The following RALYL variants were observed in gnomAD, a reference collection of about 807,000 sequenced individuals.
The protein encoded by RALYL is RALY RNA binding protein like, also known as RNA-binding Raly-like protein.
RALYL carries 29 observed loss-of-function variants against 35.1 expected under a neutral mutation model. The ratio of observed to expected loss-of-function variants is 0.83; its 90% confidence interval spans 0.61 to 1.13. The LOEUF is 1.13. Among genes scored for constraint, RALYL ranks in the 50% most tolerant of loss-of-function variants. The pLI is 0.00. For synonymous variants in RALYL, 120 were observed against 127.6 expected, an observed-to-expected ratio of 0.94 and a Z score of 0.40; for missense variants, 359 against 360.4, an observed-to-expected ratio of 1.00 and a Z score of 0.03.
At chr8:84,210,741 T>A (rs957657068) in intron 1 of RALYL, among the ~76,000 whole-genome samples, 1 of 152,140 alleles carries the variant, frequency 6.6e-6, no homozygotes, top group Non-Finnish European at 1.5e-5. Context: ...TTTCACCAAC[T>A]TAATTTTTCA....
At chr8:84,515,701 C>CA (rs887119861) in intron 1 of RALYL, among the ~76,000 whole-genome samples, 11 of 151,256 alleles carry the variant, frequency 7.3e-5, no homozygotes, top group Non-Finnish European at 1.6e-4. Flanking sequence ...ATGTATAGTA[C>CA]AAAAAAAATT....
At chr8:84,850,115 T>C (rs1835532211) in intron 5 of RALYL, 88 bp downstream of exon 5, 1 of 636,164 alleles carries the variant, frequency 1.6e-6, no homozygotes, top group African/African-American at 1.9e-5. Context: ...CTCTTAATTA[T>C]GGTATTTAAA....
At chr8:84,377,320 A>C (rs1409082039) in intron 1 of RALYL, among the ~76,000 whole-genome samples, 1 of 151,668 alleles carries the variant, frequency 6.6e-6, no homozygotes, top group Non-Finnish European at 1.5e-5. Context: ...TCAAAATATC[A>C]TGTGGGCTAA....
rs183968796 is a variant in RALYL at position 84,665,166 on chromosome 8, T to G, written c.257-109413T>G. On this transcript the variant is annotated intron_variant, in intron 2 of 8. Coordinates refer to ENST00000521268, the MANE Select transcript of RALYL (RefSeq NM_173848.7). ...TATGTTGAACCAACCTTGCATGAAG[T>G]CTCTTTGATTGCGGTGGTTAAGCTT... 1.6e-4 allele frequency among the ~76,000 whole-genome samples: 24 copies of G among 150,826 alleles called. No individual in the cohort carries two copies. The East Asian group carries it at 3.7e-3, about 23-fold the overall frequency.
At chr8:84,652,143 G>A (rs750503909) in intron 2 of RALYL, among the ~76,000 whole-genome samples, 12 of 152,056 alleles carry the variant, frequency 7.9e-5, no homozygotes, top group Admixed American at 6.6e-4. Context: ...AGTAGGCACA[G>A]CACTGGACTA....
intron 1 of RALYL, among the ~76,000 whole-genome samples, chr8:84,310,670 A>C (rs1282116389): frequency 6.6e-6 from 1 of 152,208 alleles, no homozygotes; most frequent in African/African-American, 2.4e-5. Context: ...AGGAGAAAAC[A>C]TAGTTATCTG....
intron 4 of RALYL, chr8:84,828,668 T>C (rs1830220632): frequency 5.3e-6 from 1 of 187,978 alleles, no homozygotes. Context: ...CATTCAAGAG[T>C]AATCTTATAA....
At chr8:84,788,776 A>G (rs994767615) in intron 3 of RALYL, among the ~76,000 whole-genome samples, 2 of 152,196 alleles carry the variant, frequency 1.3e-5, no homozygotes, top group African/African-American at 2.4e-5. Flanking sequence ...CGAGTTCAGT[A>G]TGCAGAGCGA....
At chr8:84,312,245 C>T (rs1282721026) in intron 1 of RALYL, among the ~76,000 whole-genome samples, 1 of 152,180 alleles carries the variant, frequency 6.6e-6, no homozygotes, top group African/African-American at 2.4e-5. Flanking sequence ...TCACCTCCCA[C>T]CAGGTCCTTT....
chr8:84,304,279 AGCTAAT>A (rs1243653406), intron 1 of RALYL, among the ~76,000 whole-genome samples: 1 of 151,904 alleles, frequency 6.6e-6, no homozygotes. Context: ...CACCAAGCCC[AGCTAAT>A]TTTTTGTATT....
At chr8:84,467,921 C>T (rs887562360) in intron 1 of RALYL, among the ~76,000 whole-genome samples, 9 of 137,002 alleles carry the variant, frequency 6.6e-5, no homozygotes, top group African/African-American at 8.3e-5. Context: ...CTCTTTTGAT[C>T]TTTGTTGGTT....
chr8:84,545,402 C>G (rs1438760012), intron 2 of RALYL, among the ~76,000 whole-genome samples: 1 of 152,066 alleles, frequency 6.6e-6, no homozygotes, highest in Non-Finnish European at 1.5e-5. Context: ...CTCTCTGTAC[C>G]TACTAGATTT....
chr8:84,379,248 T>C (rs1458895826), intron 1 of RALYL, among the ~76,000 whole-genome samples: 1 of 151,964 alleles, frequency 6.6e-6, no homozygotes, highest in African/African-American at 2.4e-5. Context: ...TGGTTCATCT[T>C]AATTATTTAA....
chr8:84,412,067 CTG>C (rs2044160350), intron 1 of RALYL, among the ~76,000 whole-genome samples: 1 of 151,910 alleles, frequency 6.6e-6, no homozygotes, highest in Non-Finnish European at 1.5e-5. Flanking sequence ...TTAATTTTCA[CTG>C]TGTCTAAAAT....
intron 1 of RALYL, among the ~76,000 whole-genome samples, chr8:84,413,207 C>A (rs148574097): frequency 6.6e-6 from 1 of 150,502 alleles, no homozygotes; most frequent in African/African-American, 2.4e-5. Context: ...ATTTTAAGAC[C>A]ACTGTGATCA....
intron 1 of RALYL, among the ~76,000 whole-genome samples, chr8:84,223,222 C>CCTTCT (rs1822950190): frequency 9.1e-5 from 5 of 54,818 alleles, no homozygotes; most frequent in African/African-American, 2.8e-4. Flanking sequence ...CCTTCCCTTC[C>CCTTCT]CTTCCCTTCC....
intron 1 of RALYL, among the ~76,000 whole-genome samples, chr8:84,395,935 C>T (rs1861663099): frequency 6.6e-6 from 1 of 151,886 alleles, no homozygotes; most frequent in African/African-American, 2.4e-5. Context: ...GATAAGAATG[C>T]AGTTCTTCAT....
chr8:84,897,144 G>A (rs1401590469), intron 8 of RALYL, among the ~76,000 whole-genome samples: 2 of 151,868 alleles, frequency 1.3e-5, no homozygotes, highest in African/African-American at 2.4e-5. Flanking sequence ...CACCTCATGG[G>A]GCTTTTGTAA....
Position 84,740,954 on chromosome 8 carries a change from A to C in RALYL, c.257-33625A>C, listed in dbSNP as rs563795465. Among the ~76,000 whole-genome samples, 14 of 152,114 alleles carry C rather than the reference A, an allele frequency of 9.2e-5. No individual in the cohort carries two copies. The East Asian group carries it at 2.7e-3, about 29-fold the overall frequency. ...CTATTATAATTACGCACTTTTGTAT[A>C]TTAGGTACTCTGAGACCTGAAGAGT... On this transcript the variant is annotated intron_variant, in intron 2 of 8. Coordinates refer to ENST00000521268, the MANE Select transcript of RALYL (RefSeq NM_173848.7).
Sources: allele counts gnomAD v4.1 joint callset (sites outside exome capture counted in the v4.1 genomes callset), GRCh38; gene constraint gnomAD v4.1.1; transcripts MANE v1.5; gene names NCBI Gene and HGNC (gene_info 2026-07-23, HGNC 2026-07-21).